The following ANK2 variants were observed in gnomAD, a reference collection of about 807,000 sequenced individuals.
ANK2 encodes ankyrin-2.
Under a neutral mutation model 360.5 loss-of-function variants are expected in ANK2, and 83 were observed. That is an observed-to-expected ratio of 0.23 (90% confidence interval 0.19 to 0.28). ANK2 has a LOEUF of 0.28. ANK2 is among the 10% of genes least tolerant of loss of function. The pLI is 1.00. For missense variants in ANK2, 4,201 were observed against 4,795.7 expected, an observed-to-expected ratio of 0.88 and a Z score of 3.66; for synonymous variants, 1,740 against 1,759.5, an observed-to-expected ratio of 0.99 and a Z score of 0.28.
At chr4:113,186,194 C>A (rs1772637967) in intron 2 of ANK2, among the ~76,000 whole-genome samples, 1 of 152,172 alleles carries the variant, frequency 6.6e-6, no homozygotes, top group Admixed American at 6.5e-5. Flanking sequence ...GATGAAACTT[C>A]CAGAGGAAGG....
At chr4:113,169,359 C>T (rs1275099627) in intron 1 of ANK2, among the ~76,000 whole-genome samples, 1 of 152,124 alleles carries the variant, frequency 6.6e-6, no homozygotes, top group East Asian at 1.9e-4. Context: ...CCTTATTTTC[C>T]TGGTATTCTT....
chr4:112,709,528 C>T, the ANK2 span, among the ~76,000 whole-genome samples: 28 of 152,054 alleles, frequency 1.8e-4, no homozygotes, highest in African/African-American at 6.0e-4. Flanking sequence ...GTGGGAGTAT[C>T]GCCTGAGATC....
the ANK2 span, among the ~76,000 whole-genome samples, chr4:112,728,773 A>T: frequency 7.9e-5 from 12 of 152,180 alleles, no homozygotes; most frequent in Non-Finnish European, 1.5e-4. Flanking sequence ...TGAAAAATAC[A>T]TACATGTATA....
upstream of ANK2, chr4:113,049,618 C>A (rs2066006634): frequency 9.4e-5 from 133 of 1,413,984 alleles, no homozygotes; most frequent in East Asian, 3.4e-4. Flanking sequence ...CGCGCCCCTT[C>A]CCCACCCCTC....
chr4:113,045,732 A>G (rs189723205), upstream of ANK2, among the ~76,000 whole-genome samples: 86 of 152,346 alleles, frequency 5.6e-4, 1 homozygote, highest in African/African-American at 2.0e-3. Flanking sequence ...AGGTATTATC[A>G]TCATTGCTAT....
In ANK2 at chr4:113,373,380, C is replaced by T. The variant is rs45517840; in HGVS notation, c.11790C>T (p.Ile3930=). The T allele has an allele frequency of 2.5e-3, 4,073 of 1,614,106 alleles. 55 individuals carry two copies. The African/African-American group carries it at 0.029, about 12-fold the overall frequency. ...VQGMPQEPVN[I]EEGDGYSKVI... ...GAATGCCACAGGAACCTGTCAACAT[C>T]GAGGAAGGGGATGGCTATTCCAAAG... Residue 3930 remains isoleucine, a synonymous_variant, in exon 45 of 46, where the codon ATC becomes ATT. Transcript: ENST00000357077.
chr4:113,243,848 G>A (rs543999112), intron 9 of ANK2, among the ~76,000 whole-genome samples: 1 of 152,152 alleles, frequency 6.6e-6, no homozygotes, highest in Non-Finnish European at 1.5e-5. Context: ...TGGAAAGAAA[G>A]CATTTTGGAA....
the ANK2 span, among the ~76,000 whole-genome samples, chr4:112,767,705 ATATGT>A: frequency 3.8e-4 from 58 of 152,212 alleles, no homozygotes; most frequent in Non-Finnish European, 7.2e-4. Context: ...CTCTCTGAAT[ATATGT>A]TATGAGTATG....
intron 4 of ANK2, among the ~76,000 whole-genome samples, chr4:113,228,182 T>C (rs1368240536): frequency 3.9e-5 from 6 of 152,206 alleles, no homozygotes; most frequent in African/African-American, 1.4e-4. Flanking sequence ...TTTTTTTGTT[T>C]TGTTTTAACT....
intron 4 of ANK2, among the ~76,000 whole-genome samples, chr4:113,220,060 A>G (rs116068495): frequency 0.028 from 4,256 of 152,270 alleles, 97 homozygotes; most frequent in East Asian, 0.067. Flanking sequence ...CCTCTTTGCT[A>G]TAATTTCTAC....
rs770467136 is a variant in ANK2, at chr4:113,339,214, A to G, written c.3797-12A>G. 6 of 1,604,894 alleles carry G rather than the reference A, an allele frequency of 3.7e-6. No homozygotes were observed. The highest frequency in any genetic ancestry group is 1.1e-5 in the South Asian group (1 of 90,910). ...TTTTGCCTGATTTTTTTCAACAATC[A>G]TATTATTTCAGGTGGAACCACCCCT... is the stretch of plus-strand genomic sequence containing the variant. On this transcript the variant is annotated splice_polypyrimidine_tract_variant and intron_variant, in intron 31 of 45. Coordinates refer to ENST00000357077, the MANE Select transcript of ANK2 (RefSeq NM_001148.6).
chr4:113,312,864 C>T (rs2080836934), intron 24 of ANK2, among the ~76,000 whole-genome samples: 1 of 152,166 alleles, frequency 6.6e-6, no homozygotes, highest in African/African-American at 2.4e-5. Flanking sequence ...AAGGGCTAAA[C>T]CTGGAGATTG....
chr4:112,954,833 GAAT>G (rs1380906692), intron 2 of ANK2, among the ~76,000 whole-genome samples: 1 of 151,986 alleles, frequency 6.6e-6, no homozygotes, highest in Non-Finnish European at 1.5e-5. Flanking sequence ...GTGTAAACTG[GAAT>G]AATACTTTTG....
chr4:112,835,457 T>A (rs1171372412), intron 1 of ANK2, among the ~76,000 whole-genome samples: 2 of 152,156 alleles, frequency 1.3e-5, no homozygotes, highest in Non-Finnish European at 2.9e-5. Context: ...GTAAACTATA[T>A]AATTTTATAG....
At chr4:113,361,492 A>G (rs1403357373) in intron 39 of ANK2, among the ~76,000 whole-genome samples, 1 of 150,782 alleles carries the variant, frequency 6.6e-6, no homozygotes. Context: ...ATACATTTTC[A>G]TCTACTTGTG....
chr4:113,117,588 C>G (rs1214547014), intron 1 of ANK2, among the ~76,000 whole-genome samples: 1 of 152,122 alleles, frequency 6.6e-6, no homozygotes, highest in East Asian at 1.9e-4. Flanking sequence ...GGAGGAGATG[C>G]TTGAGCAGGG....
chr4:113,117,716 C>T (rs1220469120), intron 1 of ANK2, among the ~76,000 whole-genome samples: 1 of 152,130 alleles, frequency 6.6e-6, no homozygotes, highest in Non-Finnish European at 1.5e-5. Flanking sequence ...CTTCAGGCTA[C>T]TCTTAGTACT....
At chr4:113,232,334 T>A in intron 5 of ANK2, 75 bp downstream of exon 5, 1 of 1,122,158 alleles carries the variant, frequency 8.9e-7, no homozygotes, top group Non-Finnish European at 1.3e-6. Flanking sequence ...CTGCAAATAG[T>A]CTCCATTACT....
chr4:112,951,650 A>C (rs2095016845), intron 2 of ANK2, among the ~76,000 whole-genome samples: 1 of 152,210 alleles, frequency 6.6e-6, no homozygotes, highest in African/African-American at 2.4e-5. Flanking sequence ...GGTTTAAAAA[A>C]AAAATCACCA....
Sources: gnomAD v4.1 joint callset for allele counts (sites outside exome capture counted in the v4.1 genomes callset) on GRCh38, gnomAD v4.1.1 for gene constraint, MANE v1.5 for transcripts, NCBI Gene and HGNC (gene_info 2026-07-23, HGNC 2026-07-21) for gene names.